The following TENM2 variants were observed in gnomAD, a reference collection of about 807,000 sequenced individuals.
TENM2 encodes teneurin transmembrane protein 2, also known as teneurin-2.
In TENM2, 52 loss-of-function variants were observed where a neutral mutation model predicts 245.2. That is an observed-to-expected ratio of 0.21 (90% CI 0.17 to 0.27). The LOEUF (loss-of-function observed/expected upper bound fraction) is 0.27. TENM2 is among the 10% of genes least tolerant of loss of function. The probability of loss-of-function intolerance (pLI) is 1.00; values close to 1 mark genes in which losing one functional copy is unlikely to be tolerated. For synonymous variants in TENM2, 1,363 were observed against 1,438.9 expected (o/e 0.95, Z 1.19); for missense variants, 3,046 against 3,666.8 (o/e 0.83, Z 4.37).
intron 5 of TENM2, among the ~76,000 whole-genome samples, chr5:167,996,310 G>C (rs765134147): frequency 7.2e-5 from 11 of 151,920 alleles, no homozygotes; most frequent in Non-Finnish European, 1.5e-4. Context: ...GAACTTTTAT[G>C]ATCTGCTCCT....
chr5:168,062,218 C>G (rs201214069), exon 7 of TENM2: 10 of 1,613,800 alleles, frequency 6.2e-6, no homozygotes, highest in South Asian at 1.1e-5. Context: ...GAAGGACGCT[C>G]TCTTTGGTGT....
At chr5:168,231,755 T>TACAACAACAAACA (rs1241435219) in intron 25 of TENM2, among the ~76,000 whole-genome samples, 2 of 148,528 alleles carry the variant, frequency 1.3e-5, no homozygotes, top group Non-Finnish European at 3.0e-5. Context: ...ACCCTGTCTC[T>TACAACAACAAACA]ACAACAACAA....
the TENM2 span, among the ~76,000 whole-genome samples, chr5:167,152,575 G>A: frequency 6.6e-6 from 1 of 152,056 alleles, no homozygotes; most frequent in African/African-American, 2.4e-5. Flanking sequence ...ATGTATATTT[G>A]GCATTTCTAG....
At chr5:167,256,990 A>T in the TENM2 span, among the ~76,000 whole-genome samples, 1 of 152,078 alleles carries the variant, frequency 6.6e-6, no homozygotes, top group African/African-American at 2.4e-5. Context: ...ATCCCTCTGT[A>T]TACTTGGAAA....
At chr5:168,058,786 C>CT (rs1469717608) in intron 6 of TENM2, among the ~76,000 whole-genome samples, 2 of 152,148 alleles carry the variant, frequency 1.3e-5, no homozygotes, top group African/African-American at 2.4e-5. Context: ...GTTTTTCATC[C>CT]TTTTTTTCAT....
chr5:167,265,540 A>G, the TENM2 span, among the ~76,000 whole-genome samples: 24 of 152,196 alleles, frequency 1.6e-4, no homozygotes, highest in South Asian at 1.5e-3. Context: ...TTAATTTGAA[A>G]TGAAAATTTT....
At chr5:167,574,425 A>G (rs1333754616) in intron 2 of TENM2, among the ~76,000 whole-genome samples, 2 of 152,168 alleles carry the variant, frequency 1.3e-5, no homozygotes, top group African/African-American at 2.4e-5. Context: ...CTTCTAACTG[A>G]ACTTCTGATG....
At chr5:167,782,313 C>CAAAAAAAAAAAAAAAAA (rs767675565) in intron 2 of TENM2, among the ~76,000 whole-genome samples, 1 of 58,772 alleles carries the variant, frequency 1.7e-5, no homozygotes, top group African/African-American at 6.7e-5. Flanking sequence ...AACTCTGTCT[C>CAAAAAAAAAAAAAAAAA]AAAAAAAAAA....
intron 2 of TENM2, among the ~76,000 whole-genome samples, chr5:167,443,989 A>G (rs1220402142): frequency 6.6e-6 from 1 of 152,124 alleles, no homozygotes; most frequent in Non-Finnish European, 1.5e-5. Flanking sequence ...CTTACTTAAA[A>G]TAGCCCTAAA....
intron 2 of TENM2, among the ~76,000 whole-genome samples, chr5:167,545,923 C>T (rs966950526): frequency 3.9e-5 from 6 of 152,076 alleles, no homozygotes; most frequent in Non-Finnish European, 7.4e-5. Flanking sequence ...TTGGCAGCAT[C>T]GTATAGAATG....
chr5:167,825,141 G>A (rs1767855273), intron 2 of TENM2, among the ~76,000 whole-genome samples: 1 of 152,024 alleles, frequency 6.6e-6, no homozygotes, highest in Admixed American at 6.5e-5. Context: ...TGTAATGGTG[G>A]GTGTGTTCTG....
chr5:167,474,688 T>A (rs1343142558), intron 2 of TENM2, among the ~76,000 whole-genome samples: 1 of 151,982 alleles, frequency 6.6e-6, no homozygotes, highest in Non-Finnish European at 1.5e-5. Context: ...CTAATTTTTG[T>A]ATTTTTTAGT....
chr5:167,029,320 A>G, the TENM2 span, among the ~76,000 whole-genome samples: 2 of 152,198 alleles, frequency 1.3e-5, no homozygotes, highest in African/African-American at 2.4e-5. Flanking sequence ...TCTTAAACAT[A>G]GCAAGAATAC....
intron 3 of TENM2, among the ~76,000 whole-genome samples, chr5:167,932,534 T>A (rs940507996): frequency 2.6e-5 from 4 of 152,106 alleles, no homozygotes; most frequent in Non-Finnish European, 5.9e-5. Flanking sequence ...GTTTCATCTT[T>A]CATTCATTCA....
intron 5 of TENM2, among the ~76,000 whole-genome samples, chr5:168,007,979 C>T (rs1784952243): frequency 6.6e-6 from 1 of 151,890 alleles, no homozygotes; most frequent in South Asian, 2.1e-4. Context: ...TAAAGTAGGG[C>T]TTGATATTTT....
chr5:167,719,593 G>A (rs140458533), intron 2 of TENM2, among the ~76,000 whole-genome samples: 2 of 152,340 alleles, frequency 1.3e-5, no homozygotes, highest in East Asian at 3.9e-4. Flanking sequence ...GAAGAAGTTC[G>A]AGTTAGGACT....
the TENM2 span, among the ~76,000 whole-genome samples, chr5:167,090,579 G>A: frequency 5.3e-5 from 8 of 152,108 alleles, no homozygotes; most frequent in Admixed American, 2.6e-4. Flanking sequence ...ATAGAGAAGT[G>A]ATCTTTACTC....
rs1762232219 is a variant in TENM2 at position 167,399,114 on chromosome 5, G to A, written c.502+23641G>A. On this transcript the variant is annotated intron_variant, in intron 2 of 28. Coordinates refer to ENST00000518659, the Ensembl canonical transcript of TENM2. ...TTTTCTGGGAACCTGTCACAAGCGG[G>A]AGTTCTGCCTCGTATATCAAAAAGG... is the stretch of plus-strand genomic sequence containing the variant. Among the ~76,000 whole-genome samples the A allele has an allele frequency of 2.6e-5, 4 of 152,100 alleles. No individual in the cohort carries two copies. In the South Asian group the frequency reaches 8.3e-4, roughly 31 times the overall value.
At chr5:167,180,868 G>A in the TENM2 span, among the ~76,000 whole-genome samples, 1 of 151,854 alleles carries the variant, frequency 6.6e-6, no homozygotes, top group African/African-American at 2.4e-5. Flanking sequence ...TGCTGCCTCT[G>A]GGGTGGCAGA....
Sources: gnomAD v4.1 joint callset for allele counts (sites outside exome capture counted in the v4.1 genomes callset) on GRCh38, gnomAD v4.1.1 for gene constraint, MANE v1.5 for transcripts, NCBI Gene and HGNC (gene_info 2026-07-23, HGNC 2026-07-21) for gene names.